Variants in OTOF observed in about 807,000 individuals in gnomAD.
The protein encoded by OTOF is fer-1-like family member 2.
OTOF carries 218 observed loss-of-function variants against 236.8 expected under a neutral mutation model. That is an observed-to-expected ratio of 0.92 (90% CI 0.82 to 1.03). The LOEUF is 1.03. OTOF is among the 50% of genes least tolerant of loss of function. The probability of loss-of-function intolerance (pLI) is 0.00; values close to 1 mark genes in which losing one functional copy is unlikely to be tolerated. For missense variants in OTOF, 2,590 were observed against 2,694.4 expected (o/e 0.96, Z 0.86); for synonymous variants, 1,041 against 1,072.5 (o/e 0.97, Z 0.57).
At chr2:26,551,851 T>C (rs1036762372) in intron 1 of OTOF, among the ~76,000 whole-genome samples, 1 of 152,160 alleles carries the variant, frequency 6.6e-6, no homozygotes, top group Non-Finnish European at 1.5e-5. Flanking sequence ...TGACAAAGTA[T>C]GTGGTATTTA....
chr2:26,538,680 GA>G (rs1459218653), intron 1 of OTOF, among the ~76,000 whole-genome samples: 1 of 152,192 alleles, frequency 6.6e-6, no homozygotes. Flanking sequence ...TGGAGTCTCT[GA>G]TGTTCTAGGC....
chr2:26,504,903 C>T (rs772738237), intron 5 of OTOF, among the ~76,000 whole-genome samples: 15 of 152,192 alleles, frequency 9.9e-5, no homozygotes, highest in East Asian at 1.9e-4. Context: ...ACCTGGAGCT[C>T]GCTTACAGCA....
At chr2:26,529,460 T>G (rs1349271097) in intron 2 of OTOF, among the ~76,000 whole-genome samples, 1 of 151,860 alleles carries the variant, frequency 6.6e-6, no homozygotes, top group Non-Finnish European at 1.5e-5. Flanking sequence ...GCCGGAGAGG[T>G]GGGTAATGGC....
At chr2:26,547,621 A>T (rs1433733797) in intron 1 of OTOF, among the ~76,000 whole-genome samples, 1 of 152,136 alleles carries the variant, frequency 6.6e-6, no homozygotes, top group Non-Finnish European at 1.5e-5. Context: ...AGATCACTTG[A>T]GGTCAGGAGT....
chr2:26,551,756 T>A (rs1667467522), intron 1 of OTOF, among the ~76,000 whole-genome samples: 1 of 152,116 alleles, frequency 6.6e-6, no homozygotes, highest in Non-Finnish European at 1.5e-5. Flanking sequence ...TGGAAAAAAA[T>A]TATGACATTG....
At chr2:26,478,489 G>C (rs1424900431) in intron 18 of OTOF, among the ~76,000 whole-genome samples, 1 of 152,112 alleles carries the variant, frequency 6.6e-6, no homozygotes, top group East Asian at 1.9e-4. Context: ...GGGAAGGGCG[G>C]GATTATCTGC....
intron 9 of OTOF, among the ~76,000 whole-genome samples, chr2:26,494,312 ACC>A (rs1665922411): frequency 6.6e-6 from 1 of 152,298 alleles, no homozygotes; most frequent in African/African-American, 2.4e-5. Context: ...TCTCTTTCAC[ACC>A]CTAAAATCAA....
chr2:26,464,671 T>G (rs1054284780), intron 39 of OTOF, among the ~76,000 whole-genome samples, 198 bp downstream of exon 39: 1 of 152,008 alleles, frequency 6.6e-6, no homozygotes, highest in African/African-American at 2.4e-5. Flanking sequence ...GGGGCTGCCC[T>G]GTAGGAGGGG....
chr2:26,531,684 C>CT (rs953980418), intron 2 of OTOF, among the ~76,000 whole-genome samples: 8 of 152,106 alleles, frequency 5.3e-5, no homozygotes, highest in African/African-American at 1.4e-4. Context: ...TGGTTATGTC[C>CT]TTTCCTCCAT....
At chr2:26,530,053 G>A (rs1038776787) in intron 2 of OTOF, among the ~76,000 whole-genome samples, 3 of 152,216 alleles carry the variant, frequency 2.0e-5, no homozygotes, top group Admixed American at 2.0e-4. Flanking sequence ...CAGCCAGGGC[G>A]CTGTGTGGGA....
intron 1 of OTOF, among the ~76,000 whole-genome samples, chr2:26,556,114 G>A (rs1186947639): frequency 6.6e-6 from 1 of 152,164 alleles, no homozygotes; most frequent in Non-Finnish European, 1.5e-5. Flanking sequence ...TAGGGCCACT[G>A]CCAATGGGCA....
Position 26,473,534 on chromosome 2 carries a change from C to A in OTOF, c.3442G>T (p.Val1148Leu), listed in dbSNP as rs774982859. 3.1e-6 allele frequency: 5 copies of A among 1,611,334 alleles called. No individual in the cohort carries two copies. Among genetic ancestry groups the A allele is most frequent in the African/African-American group, 1.3e-5 (1 of 74,914 alleles). Residue 1148 changes from valine (V) to leucine (L), a missense_variant, in exon 28 of 47, where the codon GTG becomes TTG. Physicochemically the swap from Val to Leu is conservative, Grantham distance 32 (BLOSUM62 1). Transcript: ENST00000272371. This position sits in a 1 kb window ranked among gnomAD's most constrained non-coding sequence, Gnocchi z 7.2. ...LFWGLRDLKR[V>L]NLAQVDRPRV... is the part of the protein sequence containing the mutation. ...GGCCGGTCCACCTGGGCCAGGTTCA[C>A]CCGCTTTAGGTCCCGTAGGCCCCAG...
chr2:26,518,932 C>G, intron 4 of OTOF, 78 bp downstream of exon 4: 1 of 1,012,498 alleles, frequency 9.9e-7, no homozygotes, highest in African/African-American at 1.6e-5. Flanking sequence ...CCAGACCACC[C>G]CATGTGTGAG....
intron 46 of OTOF, among the ~76,000 whole-genome samples, chr2:26,459,494 G>A (rs1664350988): frequency 6.7e-6 from 1 of 149,860 alleles, no homozygotes; most frequent in Admixed American, 6.7e-5. Flanking sequence ...GGAGCTGGCA[G>A]TGAGCCAAGA....
At position 26,460,664 on chromosome 2, in the gene OTOF, G is replaced by A. The variant is rs1664417264; in HGVS notation, c.5796C>T (p.Asp1932=). The change falls in exon 45 of 47, where the codon GAC becomes GAT. Residue 1932 remains aspartate, a synonymous_variant. Coordinates refer to ENST00000272371, the MANE Select transcript of OTOF (RefSeq NM_194248.3). This position sits in a 1 kb window ranked among gnomAD's most constrained non-coding sequence, Gnocchi z 5.3. ...GCACTCACTTGGGTTTCTCTAGGGGGTCAGGTTCATTGCGGGCCAGGCCCA... is the reference window on the plus strand; with the variant it reads ...GCACTCACTTGGGTTTCTCTAGGGGATCAGGTTCATTGCGGGCCAGGCCCA... ...NPVGLARNEP[D]PLEKPNRPDT... is the part of the protein sequence containing the mutation. The A allele has an allele frequency of 6.2e-7, 1 of 1,614,048 alleles. No homozygotes were observed. The highest frequency in any genetic ancestry group is 8.5e-7 in the Non-Finnish European group (1 of 1,179,916).
intron 18 of OTOF, 111 bp downstream of exon 18, chr2:26,479,153 C>A: frequency 7.1e-7 from 1 of 1,401,034 alleles, no homozygotes. Context: ...CTGCTGGGGC[C>A]GTTCCTGCAG....
At chr2:26,525,369 T>C (rs1426931623) in intron 3 of OTOF, among the ~76,000 whole-genome samples, 1 of 152,182 alleles carries the variant, frequency 6.6e-6, no homozygotes, top group Non-Finnish European at 1.5e-5. Flanking sequence ...CACTCTTTGC[T>C]CACCCTCTCC....
rs369006008 is a variant in OTOF at position 26,464,006 on chromosome 2, C to T, written c.5061G>A (p.Glu1687=). Residue 1687 remains glutamate (E), a synonymous_variant, in exon 40 of 47, where the codon GAG becomes GAA. Transcript: ENST00000272371. ...AGCRLVPEHV[E]TRPLLNPDKP... ...TGTCGGGGTTGAGCAGCGGCCTCGT[C>T]TCCACATGCTCTGGCACCAGGCGGC... is the stretch of plus-strand genomic sequence containing the variant. The T allele has an allele frequency of 9.9e-6, 16 of 1,613,676 alleles. No homozygotes were observed. Among genetic ancestry groups the T allele is most frequent in the Non-Finnish European group, 1.4e-5 (16 of 1,180,040 alleles).
chr2:26,461,698 A>C lies in OTOF; in HGVS notation c.5531T>G (p.Leu1844Arg). ...CCCATCCCTGCCCTGCTCTGCACCC[A>C]GGAAGTCGTCAGCGGAGAAGTGGTC... ...DADHFSADDF[L>R]GAIELDLNRF... Residue 1844 changes from leucine to arginine, a missense_variant and splice_region_variant, in exon 43 of 47, where the codon CTG becomes CGG. This residue lies in a region of OTOF where 1,211 missense variants were observed against 1,352.8 expected (regional missense o/e 0.90). Coordinates refer to ENST00000272371, the MANE Select transcript of OTOF (RefSeq NM_194248.3). The surrounding 1 kb of genome is among the most constrained non-coding windows in gnomAD (Gnocchi z 6.2). 6.2e-7 allele frequency: 1 copy of C among 1,613,862 alleles called. No homozygotes were observed. Among genetic ancestry groups the C allele is most frequent in the Non-Finnish European group, 8.5e-7 (1 of 1,180,014 alleles).
Sources: allele counts gnomAD v4.1 joint callset (sites outside exome capture counted in the v4.1 genomes callset), GRCh38; gene constraint gnomAD v4.1.1; regional missense constraint gnomAD v4.1.1; non-coding constraint Gnocchi (gnomAD v3.1); transcripts MANE v1.5; gene names NCBI Gene and HGNC (gene_info 2026-07-23, HGNC 2026-07-21).